The following CNTNAP2 variants were observed in gnomAD, a reference collection of about 807,000 sequenced individuals.
CNTNAP2 encodes contactin associated protein 2.
A neutral mutation model predicts 155.2 loss-of-function variants in CNTNAP2; 98 were observed. That is an observed-to-expected ratio of 0.63 (90% CI 0.54 to 0.75). The LOEUF (loss-of-function observed/expected upper bound fraction) is 0.75, where lower values mean the gene tolerates loss of function less well. Among genes scored for constraint, CNTNAP2 ranks in the 30% least tolerant of loss-of-function variants. The pLI, the probability that CNTNAP2 is intolerant of heterozygous loss-of-function variation, is 0.00. For missense variants in CNTNAP2, 1,727 were observed against 1,688.1 expected (o/e 1.02, Z -0.40); for synonymous variants, 651 against 631.2 (o/e 1.03, Z -0.47).
intron 1 of CNTNAP2, among the ~76,000 whole-genome samples, chr7:146,220,563 TAATA>T (rs1245198397): frequency 1.3e-5 from 2 of 152,178 alleles, no homozygotes; most frequent in Non-Finnish European, 2.9e-5. Context: ...CCTATAGAGA[TAATA>T]AATATATAGT....
chr7:147,047,083 T>C (rs1389034466), intron 4 of CNTNAP2, among the ~76,000 whole-genome samples: 6 of 145,690 alleles, frequency 4.1e-5, no homozygotes, highest in Admixed American at 4.1e-4. Context: ...TTGTCATGTC[T>C]CATTTTAGTT....
rs1805251651 is a variant in CNTNAP2 at position 147,289,389 on chromosome 7, C to T, written c.1349-10752C>T. 3.4e-5 allele frequency among the ~76,000 whole-genome samples: 5 copies of T among 147,388 alleles called. No individual in the cohort carries two copies. The South Asian group carries it at 1.1e-3, about 31-fold the overall frequency. The stretch of plus-strand genomic sequence containing the variant: ...AACTTGTATTGTGTTTTATATTCAA[C>T]AGAGAATCAAATACTAAAAAAAAAA... On this transcript the variant is annotated intron_variant, in intron 8 of 23. Coordinates refer to ENST00000361727, the MANE Select transcript of CNTNAP2 (RefSeq NM_014141.6).
At chr7:146,373,435 T>TACAC (rs1563059452) in intron 1 of CNTNAP2, among the ~76,000 whole-genome samples, 2 of 141,992 alleles carry the variant, frequency 1.4e-5, no homozygotes, top group African/African-American at 6.0e-5. Flanking sequence ...CACACACACT[T>TACAC]AGGCATGAGG....
chr7:148,333,385 G>A (rs573425468), intron 21 of CNTNAP2, among the ~76,000 whole-genome samples: 5 of 151,542 alleles, frequency 3.3e-5, no homozygotes, highest in South Asian at 2.1e-4. Flanking sequence ...CCGAGATTGC[G>A]CGACTGTGCT....
chr7:148,038,868 ATG>A (rs1563177060), intron 15 of CNTNAP2, among the ~76,000 whole-genome samples: 2,112 of 151,054 alleles, frequency 0.014, 44 homozygotes, highest in African/African-American at 0.05. Flanking sequence ...GGATGGATGG[ATG>A]GATAGATAGA....
In CNTNAP2 at chr7:147,932,175, T is replaced by G. The variant is rs898922876; in HGVS notation, c.2255+28454T>G. On this transcript the variant is annotated intron_variant, in intron 14 of 23. Transcript: ENST00000361727. The stretch of plus-strand genomic sequence containing the variant: ...TGCGAAACTTACAGGCATGAGCCAC[T>G]GTGCCCGCCCCAGCATTTTTTACAG... Among the ~76,000 whole-genome samples, 22 of 152,180 alleles carry G rather than the reference T, an allele frequency of 1.4e-4. 1 individual carries two copies. The highest frequency in any genetic ancestry group is 1.2e-4 in the Non-Finnish European group (8 of 68,036).
chr7:147,224,380 G>A (rs918152008), intron 8 of CNTNAP2, among the ~76,000 whole-genome samples: 1 of 152,002 alleles, frequency 6.6e-6, no homozygotes, highest in Admixed American at 6.5e-5. Flanking sequence ...AAATGTTAGG[G>A]TCCATAAATA....
chr7:148,154,292 T>C (rs1448713235), intron 17 of CNTNAP2, among the ~76,000 whole-genome samples: 1 of 152,208 alleles, frequency 6.6e-6, no homozygotes, highest in Non-Finnish European at 1.5e-5. Flanking sequence ...AGTTTGTCTA[T>C]CAGGAGACTT....
rs115638818 is a variant in CNTNAP2 at position 148,148,585 on chromosome 7, G to A, written c.2773+876G>A. Among the ~76,000 whole-genome samples, 994 of 152,306 alleles carry A rather than the reference G, an allele frequency of 6.5e-3. 21 individuals carry two copies. Among genetic ancestry groups the A allele is most frequent in the African/African-American group, 0.023 (935 of 41,552 alleles). Reference sequence around the variant, plus strand: ...CAAAGCAAGATAAGAATGTGACTTGGTTGCTGTTCATATTCATAACACCTG... The same window carrying A: ...CAAAGCAAGATAAGAATGTGACTTGATTGCTGTTCATATTCATAACACCTG... On this transcript the variant is annotated intron_variant, in intron 17 of 23. Coordinates refer to ENST00000361727, the MANE Select transcript of CNTNAP2 (RefSeq NM_014141.6).
intron 12 of CNTNAP2, among the ~76,000 whole-genome samples, chr7:147,612,513 G>T (rs559941658): frequency 5.3e-5 from 8 of 149,852 alleles, no homozygotes; most frequent in African/African-American, 2.0e-4. Flanking sequence ...CGATTCTCCT[G>T]CCTCAGCCTC....
At chr7:148,083,928 C>A (rs1262995562) in intron 15 of CNTNAP2, among the ~76,000 whole-genome samples, 1 of 152,124 alleles carries the variant, frequency 6.6e-6, no homozygotes, top group Non-Finnish European at 1.5e-5. Flanking sequence ...AAAATACCTT[C>A]TTTCCTTACC....
chr7:146,250,856 G>A (rs1393741707), intron 1 of CNTNAP2, among the ~76,000 whole-genome samples: 1 of 152,108 alleles, frequency 6.6e-6, no homozygotes, highest in African/African-American at 2.4e-5. Flanking sequence ...TGGGGCTTAA[G>A]TATGCCTTGT....
intron 21 of CNTNAP2, among the ~76,000 whole-genome samples, chr7:148,335,858 C>A (rs1026883935): frequency 9.1e-6 from 1 of 110,144 alleles, no homozygotes; most frequent in Non-Finnish European, 2.1e-5. Flanking sequence ...AAATATTGTA[C>A]GTTTTTTTTC....
rs539971788 is a variant in CNTNAP2, at chr7:147,446,566, C to T, written c.1671-39369C>T. Among the ~76,000 whole-genome samples, 7 of 152,200 alleles carry T rather than the reference C, an allele frequency of 4.6e-5. No individual in the cohort carries two copies. The East Asian group carries it at 1.2e-3, about 25-fold the overall frequency. ...CCAAGTTTTCCACTGTTTACAACCA[C>T]GACTGCGAGAGGACCTAACTGTTGT... On this transcript the variant is annotated intron_variant, in intron 10 of 23. Transcript: ENST00000361727.
At chr7:148,270,877 G>T (rs1796765366) in intron 21 of CNTNAP2, among the ~76,000 whole-genome samples, 1 of 152,182 alleles carries the variant, frequency 6.6e-6, no homozygotes, top group African/African-American at 2.4e-5. Flanking sequence ...TCAGAGCCTA[G>T]GTTCTCTCCT....
intron 8 of CNTNAP2, among the ~76,000 whole-genome samples, chr7:147,147,749 T>C: frequency 6.6e-6 from 1 of 152,158 alleles, no homozygotes; most frequent in East Asian, 1.9e-4. Flanking sequence ...CTTTCTATAG[T>C]AGCCGAACAG....
intron 16 of CNTNAP2, chr7:148,133,729 AG>A (rs1337642212): frequency 6.6e-6 from 1 of 152,272 alleles, no homozygotes; most frequent in East Asian, 1.9e-4. Context: ...GGGACCAGGA[AG>A]GCAGTTACTG....
chr7:148,043,834 A>C (rs1316945808), intron 15 of CNTNAP2, among the ~76,000 whole-genome samples: 1 of 152,180 alleles, frequency 6.6e-6, no homozygotes, highest in Non-Finnish European at 1.5e-5. Flanking sequence ...TCACTAGGCC[A>C]AATACTTATT....
chr7:147,868,075 T>C (rs1799263603), intron 13 of CNTNAP2, among the ~76,000 whole-genome samples: 1 of 145,366 alleles, frequency 6.9e-6, no homozygotes, highest in Non-Finnish European at 1.5e-5. Context: ...TTTCTCCCCA[T>C]CTTTGTGGTT....
Sources: gnomAD v4.1 joint callset for allele counts (sites outside exome capture counted in the v4.1 genomes callset) on GRCh38, gnomAD v4.1.1 for gene constraint, MANE v1.5 for transcripts, NCBI Gene and HGNC (gene_info 2026-07-23, HGNC 2026-07-21) for gene names.